SH3TC1: variants seen among roughly 807,000 people sequenced by gnomAD.
SH3TC1 encodes SH3 domain and tetratricopeptide repeats 1.
In SH3TC1, 135 loss-of-function variants were observed where a neutral mutation model predicts 117.3. The observed-to-expected ratio is 1.15, with a 90% CI of 1.00 to 1.33. SH3TC1 has a LOEUF of 1.33. Among genes scored for constraint, SH3TC1 ranks in the 40% most tolerant of loss-of-function variants. SH3TC1 has a pLI of 0.00. For missense variants in SH3TC1, 2,092 were observed against 1,794.3 expected, an observed-to-expected ratio of 1.17 and a Z score of -3.00; for synonymous variants, 898 against 816.9, an observed-to-expected ratio of 1.10 and a Z score of -1.69.
chr4:8,232,994 C>T (rs1414489643), intron 13 of SH3TC1: 1 of 1,196,434 alleles, frequency 8.4e-7, no homozygotes, highest in African/African-American at 1.6e-5. Flanking sequence ...GGACAGGCCT[C>T]TGGATGACTG....
chr4:8,230,786 T>A (rs1721121756), intron 12 of SH3TC1, among the ~76,000 whole-genome samples: 1 of 70,220 alleles, frequency 1.4e-5, no homozygotes, highest in Non-Finnish European at 4.0e-5. Flanking sequence ...TGCTGTGCTT[T>A]TTTTTTTTTT....
chr4:8,233,631 C>A, intron 14 of SH3TC1, 118 bp downstream of exon 14: 2 of 1,242,374 alleles, frequency 1.6e-6, no homozygotes, highest in South Asian at 1.8e-5. Flanking sequence ...CCTGTTCATC[C>A]TTCCTTCCAT....
At chr4:8,219,661 T>G (rs1719713019) in intron 9 of SH3TC1, 131 bp downstream of exon 9, 1 of 1,047,124 alleles carries the variant, frequency 9.5e-7, no homozygotes, top group Non-Finnish European at 1.3e-6. Context: ...TCTCTTCCCT[T>G]GTCCTCAGGC....
At chr4:8,188,103 A>G (rs1415938003) in intron 1 of SH3TC1, among the ~76,000 whole-genome samples, 1 of 152,164 alleles carries the variant, frequency 6.6e-6, no homozygotes, top group Non-Finnish European at 1.5e-5. Flanking sequence ...AATGTATTTC[A>G]CAAATATTTC....
At chr4:8,235,759 C>A (rs1219700053) in intron 15 of SH3TC1, 1 of 603,952 alleles carries the variant, frequency 1.7e-6, no homozygotes, top group South Asian at 3.7e-5. Flanking sequence ...ACAGCAATGG[C>A]CTTACCCTTG....
Position 8,232,110 on chromosome 4 carries a change from C to G in SH3TC1, c.3085C>G (p.Leu1029Val). 6.2e-7 allele frequency: 1 copy of G among 1,612,084 alleles called. No individual in the cohort carries two copies. The highest frequency in any genetic ancestry group is 8.5e-7 in the Non-Finnish European group (1 of 1,179,818). Reference sequence around the variant, plus strand: ...GGCCGACAAGGTGCTGGAGGGGCAGCTCCTGGAGACCATCAGCCAGCTCTA... The same window carrying G: ...GGCCGACAAGGTGCTGGAGGGGCAGGTCCTGGAGACCATCAGCCAGCTCTA... ...KVADKVLEGQLLETISQLYLS... is the reference protein window; with the variant it reads ...KVADKVLEGQVLETISQLYLS... Residue 1029 changes from leucine to valine, a missense_variant, in exon 13 of 18, where the codon CTC becomes GTC. Coordinates refer to ENST00000245105, the MANE Select transcript of SH3TC1 (RefSeq NM_018986.5).
chr4:8,219,266 C>A (rs1055094967), intron 8 of SH3TC1, 69 bp from the exon 9 acceptor site: 7 of 1,444,422 alleles, frequency 4.8e-6, no homozygotes, highest in Non-Finnish European at 6.5e-6. Flanking sequence ...TGGCTGGCAT[C>A]GGCCCTGTCT....
intron 13 of SH3TC1, 148 bp from the exon 14 acceptor site, chr4:8,233,215 A>G: frequency 7.1e-7 from 1 of 1,416,346 alleles, no homozygotes; most frequent in Non-Finnish European, 9.2e-7. Flanking sequence ...CCACCCTCTC[A>G]GCAGCCCGGG....
At position 8,183,180 on chromosome 4, in the gene SH3TC1, T is replaced by C. The variant is rs1717124140; in HGVS notation, c.-57+970T>C. On this transcript the variant is annotated intron_variant, in intron 1 of 16. Transcript: ENST00000508641. The surrounding 1 kb of genome is among the most constrained non-coding windows in gnomAD (Gnocchi z 5.4). ...GGGGCTATAGAATGGTCTGGAGCCC[T>C]CTGTGGCAGCAGCAGCCCCAGGCGA... Among the ~76,000 whole-genome samples, 1 of 152,152 alleles carries C rather than the reference T, an allele frequency of 6.6e-6. No homozygotes were observed. The highest frequency in any genetic ancestry group is 2.4e-5 in the African/African-American group (1 of 41,426).
intron 5 of SH3TC1, among the ~76,000 whole-genome samples, chr4:8,214,786 C>T (rs945478646): frequency 2.6e-5 from 4 of 151,840 alleles, no homozygotes; most frequent in South Asian, 2.1e-4. Context: ...CGGGTTCAAG[C>T]GATTCTCCTG....
In SH3TC1 at chr4:8,232,359, C is replaced by T. The variant is rs372626558; in HGVS notation, c.3131+203C>T. ...CCCGTGAGTCCCAGCTTGAGCTTCC[C>T]TTGTTGGGTGACACGTCTTCCCATC... On this transcript the variant is annotated intron_variant, in intron 13 of 17. Transcript: ENST00000245105. 392 of 1,579,246 alleles carry T rather than the reference C, an allele frequency of 2.5e-4. No homozygotes were observed. In the African/African-American group the frequency reaches 4.7e-3, roughly 19 times the overall value.
At chr4:8,212,973 G>A in intron 4 of SH3TC1, 145 bp downstream of exon 4, 5 of 1,153,580 alleles carry the variant, frequency 4.3e-6, no homozygotes, top group Admixed American at 3.1e-5. Flanking sequence ...CCTTGGAGGG[G>A]CGGCTGTGAT....
Position 8,183,551 on chromosome 4 carries a change from T to G in SH3TC1, c.-57+1341T>G, listed in dbSNP as rs1717141331. On this transcript the variant is annotated intron_variant, in intron 1 of 16. Transcript: ENST00000508641. This position sits in a 1 kb window ranked among gnomAD's most constrained non-coding sequence, Gnocchi z 5.4. ...AGTGACGCTTGGGTGTCTTTGGGCCTTAAAAGTTCATCAAACTTGTTCCAC... is the reference window on the plus strand; with the variant it reads ...AGTGACGCTTGGGTGTCTTTGGGCCGTAAAAGTTCATCAAACTTGTTCCAC... Among the ~76,000 whole-genome samples, 1 of 152,250 alleles carries G rather than the reference T, an allele frequency of 6.6e-6. No individual in the cohort carries two copies.
Position 8,227,297 on chromosome 4 carries a change from G to T in SH3TC1, c.1603G>T (p.Asp535Tyr), listed in dbSNP as rs774779667. ...GAGCAGCGTGTTCCGCAGCTTCAGC[G>T]ACGAGGAGGAGCTGACTGGGCGCCT... The part of the protein sequence containing the change: ...WLSSVFRSFS[D>Y]EEELTGRLAQ... Residue 535 changes from aspartate (D) to tyrosine (Y), a missense_variant, in exon 12 of 18, where the codon GAC becomes TAC. Physicochemically the swap from Asp to Tyr is radical, Grantham distance 160. Transcript: ENST00000245105. 2 of 1,609,588 alleles carry T rather than the reference G, an allele frequency of 1.2e-6. No homozygotes were observed. The highest frequency in any genetic ancestry group is 1.7e-6 in the Non-Finnish European group (2 of 1,178,620).
At chr4:8,189,919 G>C (rs909620496) in intron 1 of SH3TC1, among the ~76,000 whole-genome samples, 4 of 152,210 alleles carry the variant, frequency 2.6e-5, no homozygotes. Context: ...GTGGTCAGCG[G>C]GTGGACCAGT....
At chr4:8,193,245 G>A (rs1369231220) in intron 1 of SH3TC1, among the ~76,000 whole-genome samples, 1 of 152,234 alleles carries the variant, frequency 6.6e-6, no homozygotes, top group African/African-American at 2.4e-5. Flanking sequence ...AGAACCAGCA[G>A]CCTGCGAAAG....
intron 4 of SH3TC1, among the ~76,000 whole-genome samples, chr4:8,213,967 C>T (rs1301757823): frequency 1.3e-5 from 2 of 152,000 alleles, no homozygotes; most frequent in Non-Finnish European, 2.9e-5. Context: ...CCCCGACACA[C>T]ACTTCCCGAG....
Position 8,227,620 on chromosome 4 carries a change from G to T in SH3TC1, c.1926G>T (p.Glu642Asp), listed in dbSNP as rs1300700694. The change falls in exon 12 of 18, where the codon GAG (glutamate) becomes GAT (aspartate). Residue 642 changes from glutamate to aspartate, a missense_variant. Physicochemically the swap from Glu to Asp is conservative, Grantham distance 45 (BLOSUM62 2). Transcript: ENST00000245105. ...LGTPDHICSTEAEGELLQLAL... is the reference protein window; with the variant it reads ...LGTPDHICSTDAEGELLQLAL... ...CGCCTGACCACATCTGCAGCACCGAGGCGGAGGGGGAGCTCCTGCAGCTGG... is the reference window on the plus strand; with the variant it reads ...CGCCTGACCACATCTGCAGCACCGATGCGGAGGGGGAGCTCCTGCAGCTGG... The T allele has an allele frequency of 9.8e-6, 15 of 1,525,220 alleles. No homozygotes were observed. The highest frequency in any genetic ancestry group is 1.1e-5 in the Non-Finnish European group (13 of 1,139,734). 94.5% of individuals were successfully genotyped at this position (1,525,220 alleles called of 1,614,324 possible).
intron 12 of SH3TC1, 170 bp from the exon 13 acceptor site, chr4:8,231,806 C>T: frequency 1.4e-6 from 1 of 698,230 alleles, no homozygotes; most frequent in South Asian, 1.9e-5. Context: ...CTACCATGGG[C>T]ATCTGCACCA....
Sources: gnomAD v4.1 joint callset for allele counts (sites outside exome capture counted in the v4.1 genomes callset) on GRCh38, gnomAD v4.1.1 for gene constraint, Gnocchi (gnomAD v3.1) non-coding constraint, MANE v1.5 for transcripts, NCBI Gene and HGNC (gene_info 2026-07-23, HGNC 2026-07-21) for gene names.